The following ZNF385B variants were observed in gnomAD, a reference collection of about 807,000 sequenced individuals.
The protein encoded by ZNF385B is zinc finger protein 385B.
Under a neutral mutation model 39.2 loss-of-function variants are expected in ZNF385B, and 23 were observed. The ratio of observed to expected loss-of-function variants is 0.59; its 90% confidence interval spans 0.42 to 0.83. The LOEUF is 0.83. Ranked by LOEUF, ZNF385B falls within the 40% of genes least tolerant of loss-of-function variation. ZNF385B has a pLI of 0.00. For missense variants in ZNF385B, 552 were observed against 598.9 expected, an observed-to-expected ratio of 0.92 and a Z score of 0.82; for synonymous variants, 205 against 222.6, an observed-to-expected ratio of 0.92 and a Z score of 0.70.
intron 4 of ZNF385B, among the ~76,000 whole-genome samples, chr2:179,533,551 CAGGTTAAGGGGGTCCT>C (rs1295360538): frequency 2.6e-5 from 4 of 152,000 alleles, no homozygotes; most frequent in Non-Finnish European, 4.4e-5. Flanking sequence ...GCTCGGAGCA[CAGGTTAAGGGGGTCCT>C]TTTCATGTGA....
chr2:179,487,785 C>T (rs1302020525), intron 5 of ZNF385B, among the ~76,000 whole-genome samples: 1 of 152,190 alleles, frequency 6.6e-6, no homozygotes, highest in Non-Finnish European at 1.5e-5. Context: ...CCAAAGAAAC[C>T]TCTTCACAAG....
intron 1 of ZNF385B, chr2:179,796,121 A>G (rs1162875877): frequency 6.6e-6 from 1 of 152,284 alleles, no homozygotes; most frequent in East Asian, 1.9e-4. Flanking sequence ...ACCAATCTTG[A>G]GGAAATTTAT....
At chr2:179,686,888 T>C (rs1269641641) in intron 3 of ZNF385B, among the ~76,000 whole-genome samples, 1 of 151,886 alleles carries the variant, frequency 6.6e-6, no homozygotes, top group Non-Finnish European at 1.5e-5. Context: ...TGTGGGCTCC[T>C]GAGATTTATT....
At chr2:179,778,330 G>A (rs1044785006) in intron 1 of ZNF385B, among the ~76,000 whole-genome samples, 8 of 152,058 alleles carry the variant, frequency 5.3e-5, no homozygotes, top group African/African-American at 7.3e-5. Context: ...TCGCAGCTCT[G>A]TTCCTCCCAC....
intron 6 of ZNF385B, among the ~76,000 whole-genome samples, chr2:179,454,121 G>C (rs1263097537): frequency 6.6e-6 from 1 of 152,170 alleles, no homozygotes; most frequent in Non-Finnish European, 1.5e-5. Context: ...AATAAGACCA[G>C]ACTTTCTGAT....
At chr2:179,508,500 A>C (rs1008438465) in intron 5 of ZNF385B, among the ~76,000 whole-genome samples, 1 of 152,224 alleles carries the variant, frequency 6.6e-6, no homozygotes, top group African/African-American at 2.4e-5. Context: ...AAAATGACTT[A>C]AAAATCCTTC....
At chr2:179,653,742 G>A (rs1192431851) in intron 3 of ZNF385B, among the ~76,000 whole-genome samples, 2 of 152,068 alleles carry the variant, frequency 1.3e-5, no homozygotes, top group Non-Finnish European at 2.9e-5. Flanking sequence ...TAAAAGGCCT[G>A]AGACAGTTGT....
chr2:179,662,383 C>A (rs1694599966), intron 3 of ZNF385B, among the ~76,000 whole-genome samples: 1 of 138,034 alleles, frequency 7.2e-6, no homozygotes. Context: ...TTTTGGTGGG[C>A]AGTGGGTACT....
chr2:179,454,178 G>T (rs1466035702), intron 6 of ZNF385B, among the ~76,000 whole-genome samples: 1 of 152,172 alleles, frequency 6.6e-6, no homozygotes, highest in Non-Finnish European at 1.5e-5. Flanking sequence ...TCAACAGAGT[G>T]TACAGTCATG....
At chr2:179,722,361 C>G (rs1252652053) in intron 3 of ZNF385B, among the ~76,000 whole-genome samples, 1 of 152,052 alleles carries the variant, frequency 6.6e-6, no homozygotes, top group Non-Finnish European at 1.5e-5. Context: ...TATACATTCA[C>G]AGATATTAAC....
At chr2:179,765,883 T>C (rs1471226149) in intron 3 of ZNF385B, among the ~76,000 whole-genome samples, 1 of 152,290 alleles carries the variant, frequency 6.6e-6, no homozygotes, top group East Asian at 1.9e-4. Flanking sequence ...ATATGCAAAC[T>C]AAGTTACCTC....
chr2:179,657,733 T>C (rs1186109703), intron 3 of ZNF385B, among the ~76,000 whole-genome samples: 1 of 152,250 alleles, frequency 6.6e-6, no homozygotes, highest in Non-Finnish European at 1.5e-5. Context: ...AATAATTTAG[T>C]AAGACAACAA....
chr2:179,701,568 TCA>T (rs1699203762), intron 3 of ZNF385B, among the ~76,000 whole-genome samples: 1 of 152,224 alleles, frequency 6.6e-6, no homozygotes, highest in Admixed American at 6.5e-5. Flanking sequence ...AAATGCCAGA[TCA>T]CACTCTTAAG....
At chr2:179,726,585 G>C (rs1701035614) in intron 3 of ZNF385B, among the ~76,000 whole-genome samples, 1 of 152,026 alleles carries the variant, frequency 6.6e-6, no homozygotes. Context: ...TCAATACACT[G>C]TAGTGGTGGC....
intron 3 of ZNF385B, among the ~76,000 whole-genome samples, chr2:179,561,438 T>A (rs2061330462): frequency 6.6e-6 from 1 of 152,144 alleles, no homozygotes; most frequent in South Asian, 2.1e-4. Context: ...CACTGAACCC[T>A]CAGTGTTTAC....
rs1170238842 is a variant in ZNF385B at position 179,681,350 on chromosome 2, GT to G, written c.298+88152del. Reference sequence around the variant, plus strand: ...GACGCTCTTTTAAAGCTGAATCATGGTAGCATAACCAAACTGTTCAGGGACT... The same window carrying G: ...GACGCTCTTTTAAAGCTGAATCATGGAGCATAACCAAACTGTTCAGGGACT... On this transcript the variant is annotated intron_variant, in intron 3 of 9. Coordinates refer to ENST00000410066, the MANE Select transcript of ZNF385B (RefSeq NM_152520.6). 5.9e-5 allele frequency among the ~76,000 whole-genome samples: 9 copies of G among 152,186 alleles called. 1 individual carries two copies. Among genetic ancestry groups the G allele is most frequent in the African/African-American group, 1.2e-4 (5 of 41,534 alleles).
chr2:179,703,060 G>A (rs910640758), intron 3 of ZNF385B, among the ~76,000 whole-genome samples: 7 of 152,210 alleles, frequency 4.6e-5, no homozygotes, highest in Non-Finnish European at 7.3e-5. Context: ...GGAAGATTCT[G>A]TTAAAAAGAA....
intron 3 of ZNF385B, among the ~76,000 whole-genome samples, chr2:179,578,482 T>G (rs150770126): frequency 6.7e-4 from 102 of 152,244 alleles, no homozygotes; most frequent in African/African-American, 2.4e-3. Context: ...GTGTGGTGCC[T>G]ATGTGTATAC....
At chr2:179,559,064 T>C (rs950816604) in intron 3 of ZNF385B, among the ~76,000 whole-genome samples, 3 of 152,222 alleles carry the variant, frequency 2.0e-5, no homozygotes, top group Non-Finnish European at 4.4e-5. Context: ...TTAGAATTAG[T>C]ACGAATTTCT....
Sources: gnomAD v4.1 joint callset for allele counts (sites outside exome capture counted in the v4.1 genomes callset) on GRCh38, gnomAD v4.1.1 for gene constraint, MANE v1.5 for transcripts, NCBI Gene and HGNC (gene_info 2026-07-23, HGNC 2026-07-21) for gene names.